GRB14: variants seen among roughly 807,000 people sequenced by gnomAD.
The protein encoded by GRB14 is growth factor receptor bound protein 14.
GRB14 carries 38 observed loss-of-function variants against 69.1 expected under a neutral mutation model. The ratio of observed to expected loss-of-function variants is 0.55; its 90% CI spans 0.42 to 0.72. The LOEUF (loss-of-function observed/expected upper bound fraction) is 0.72, where lower values mean the gene tolerates loss of function less well. GRB14 is among the 30% of genes least tolerant of loss of function. The pLI is 0.00. For synonymous variants in GRB14, 247 were observed against 241.3 expected (o/e 1.02, Z -0.22); for missense variants, 666 against 666.1 (o/e 1.00, Z 0.00).
At chr2:164,501,127 G>A (rs1273573728) in intron 9 of GRB14, among the ~76,000 whole-genome samples, 5 of 151,988 alleles carry the variant, frequency 3.3e-5, no homozygotes, top group African/African-American at 4.8e-5. Context: ...ATCTTAACAT[G>A]ATTGCTTTTA....
intron 13 of GRB14, 35 bp from the exon 14 acceptor site, chr2:164,493,217 A>C: frequency 6.3e-7 from 1 of 1,595,244 alleles, no homozygotes; most frequent in Non-Finnish European, 8.6e-7. Flanking sequence ...AGTAAAGAGG[A>C]TAAATTACAC....
rs141454762 is a variant in GRB14 at position 164,502,127 on chromosome 2, G to C, written c.1104+128C>G. 1.5e-3 allele frequency: 779 copies of C among 512,456 alleles called. 5 individuals are homozygous for C. The highest frequency in any genetic ancestry group is 9.9e-3 in the African/African-American group (524 of 52,706). The allele number at this position is 512,456 out of a possible 1,614,324, so 31.7% of individuals were successfully genotyped here. Reference sequence around the variant, plus strand: ...ATTCAATGTAACATTATACTAGAATGGTGCCAAAGAGTTACTTTACCAACA... The same window carrying C: ...ATTCAATGTAACATTATACTAGAATCGTGCCAAAGAGTTACTTTACCAACA... On this transcript the variant is annotated intron_variant, in intron 9 of 13. Transcript: ENST00000263915.
intron 3 of GRB14, among the ~76,000 whole-genome samples, chr2:164,538,900 G>C (rs1688155454): frequency 6.6e-6 from 1 of 152,044 alleles, no homozygotes; most frequent in Non-Finnish European, 1.5e-5. Context: ...TACCACCTGG[G>C]TTAGGAACGT....
chr2:164,524,538 G>A (rs909141000), intron 5 of GRB14, among the ~76,000 whole-genome samples: 6 of 151,968 alleles, frequency 3.9e-5, no homozygotes, highest in African/African-American at 1.2e-4. Flanking sequence ...TATTACAAAC[G>A]CTAGTGAATA....
intron 2 of GRB14, among the ~76,000 whole-genome samples, chr2:164,589,461 G>T (rs1208016651): frequency 6.6e-6 from 1 of 152,130 alleles, no homozygotes. Context: ...TAGGCATCTG[G>T]TGAAAGCCCC....
chr2:164,559,191 C>G (rs1192712893), intron 2 of GRB14, among the ~76,000 whole-genome samples: 3 of 152,126 alleles, frequency 2.0e-5, no homozygotes, highest in Non-Finnish European at 2.9e-5. Context: ...TAGATCCTAA[C>G]ATTCCCATGC....
At chr2:164,517,721 T>C (rs1258491546) in intron 6 of GRB14, among the ~76,000 whole-genome samples, 2 of 152,108 alleles carry the variant, frequency 1.3e-5, no homozygotes, top group Admixed American at 6.5e-5. Context: ...GCTATTCTTA[T>C]ATCAGACAAA....
intron 5 of GRB14, among the ~76,000 whole-genome samples, chr2:164,522,590 A>G (rs1687661962): frequency 6.6e-6 from 1 of 152,132 alleles, no homozygotes; most frequent in Non-Finnish European, 1.5e-5. Context: ...TCATTATGGT[A>G]TAAGTAAGAC....
chr2:164,613,849 C>A (rs1445124902), intron 2 of GRB14, among the ~76,000 whole-genome samples: 13 of 152,154 alleles, frequency 8.5e-5, no homozygotes, highest in Non-Finnish European at 1.6e-4. Context: ...AACATACTCA[C>A]CTTTGTCAAC....
chr2:164,536,223 T>C lies in GRB14; in HGVS notation c.482-9088A>G, dbSNP rs1163736274. 4.6e-5 allele frequency among the ~76,000 whole-genome samples: 7 copies of C among 152,188 alleles called. No individual in the cohort carries two copies. In the East Asian group the frequency reaches 1.3e-3, roughly 29 times the overall value. ...CATTTATTTGTCTTAGACCCTGGGT[T>C]ACAAAGATGCAGTGTACAGAGAGTC... On this transcript the variant is annotated intron_variant, in intron 3 of 13. Transcript: ENST00000263915.
In GRB14 at chr2:164,499,576, C is replaced by T. The variant is rs1559020781; in HGVS notation, c.1105-2086G>A. Among the ~76,000 whole-genome samples, 6 of 152,134 alleles carry T rather than the reference C, an allele frequency of 3.9e-5. No individual in the cohort carries two copies. The South Asian group carries it at 8.3e-4, about 21-fold the overall frequency. ...CTCCAACACTTCTCCCCTTTTCTAG[C>T]TCTTCCTTCTTAGGAGATGAACAGA... On this transcript the variant is annotated intron_variant, in intron 9 of 13. Transcript: ENST00000263915.
chr2:164,542,730 T>C (rs185888861), intron 3 of GRB14, among the ~76,000 whole-genome samples: 1 of 151,450 alleles, frequency 6.6e-6, no homozygotes, highest in African/African-American at 2.4e-5. Flanking sequence ...TCATCAAAAG[T>C]AAAAAAAACA....
At chr2:164,607,720 C>T (rs1690073135) in intron 2 of GRB14, among the ~76,000 whole-genome samples, 1 of 152,168 alleles carries the variant, frequency 6.6e-6, no homozygotes, top group African/African-American at 2.4e-5. Context: ...ATAGTTTCAA[C>T]AAAGCTTTAC....
chr2:164,496,690 A>C (rs1686906893), intron 12 of GRB14, among the ~76,000 whole-genome samples: 2 of 152,226 alleles, frequency 1.3e-5, no homozygotes, highest in South Asian at 4.1e-4. Context: ...CTTAAAAAGA[A>C]GTTCATTTTC....
chr2:164,522,195 C>A, intron 5 of GRB14, 78 bp from the exon 6 acceptor site: 1 of 802,862 alleles, frequency 1.2e-6, no homozygotes, highest in South Asian at 1.7e-5. Flanking sequence ...TATTAAGATT[C>A]CAAATATAAA....
chr2:164,517,302 A>G (rs988429748), intron 6 of GRB14, among the ~76,000 whole-genome samples: 3 of 152,124 alleles, frequency 2.0e-5, no homozygotes, highest in African/African-American at 4.8e-5. Context: ...ATCTCCCGCC[A>G]AGTCCCACAC....
chr2:164,523,631 A>T (rs1687693570), intron 5 of GRB14, among the ~76,000 whole-genome samples: 1 of 152,106 alleles, frequency 6.6e-6, no homozygotes, highest in African/African-American at 2.4e-5. Context: ...ACAGGCAAGT[A>T]GGTTTTTTAG....
At chr2:164,583,765 A>T (rs1689469857) in intron 2 of GRB14, among the ~76,000 whole-genome samples, 1 of 152,218 alleles carries the variant, frequency 6.6e-6, no homozygotes, top group South Asian at 2.1e-4. Context: ...ATTGTAAAAT[A>T]TCATACTCAT....
chr2:164,611,882 T>C (rs1690174862), intron 2 of GRB14, among the ~76,000 whole-genome samples: 1 of 152,096 alleles, frequency 6.6e-6, no homozygotes, highest in Non-Finnish European at 1.5e-5. Flanking sequence ...AGGGAGCTTC[T>C]AGGGCTAGTG....
Sources: allele counts gnomAD v4.1 joint callset (sites outside exome capture counted in the v4.1 genomes callset), GRCh38; gene constraint gnomAD v4.1.1; transcripts MANE v1.5; gene names NCBI Gene and HGNC (gene_info 2026-07-23, HGNC 2026-07-21).